Variants in RET observed in about 807,000 individuals in gnomAD.
The protein encoded by RET is proto-oncogene tyrosine-protein kinase receptor Ret.
RET carries 19 observed loss-of-function variants against 118.3 expected under a neutral mutation model. That is an observed-to-expected ratio of 0.16 (90% confidence interval 0.11 to 0.24). The LOEUF is 0.24. Ranked by LOEUF, RET falls within the 10% of genes least tolerant of loss-of-function variation. RET has a pLI of 1.00. For missense variants in RET, 1,219 were observed against 1,502.1 expected, an observed-to-expected ratio of 0.81 and a Z score of 3.12; for synonymous variants, 597 against 644.1, an observed-to-expected ratio of 0.93 and a Z score of 1.11.
intron 14 of RET, 111 bp downstream of exon 14, chr10:43,119,856 T>G: frequency 7.6e-7 from 1 of 1,308,266 alleles, no homozygotes; most frequent in South Asian, 1.2e-5. Context: ...TGCCACACTC[T>G]AGCCCACCAT....
chr10:43,128,234 T>C lies in RET; in HGVS notation c.3310T>C (p.Ser1104Pro), dbSNP rs1233085587. Reference sequence around the variant, plus strand: ...ATATGCTAACTGGATGCTTTCACCCTCAGCGGCAAAATTAATGGACACGTT... The same window carrying C: ...ATATGCTAACTGGATGCTTTCACCCCCAGCGGCAAAATTAATGGACACGTT... ...SVYANWMLSP[S>P]AAKLMDTFDS is the part of the protein sequence containing the mutation. The change falls in exon 20 of 20, where the codon TCA becomes CCA. Residue 1104 changes from serine (S) to proline (P), a missense_variant. By Grantham distance (74) the Ser-to-Pro change is moderately conservative. This residue lies in a region of RET where 174 missense variants were observed against 179.3 expected (regional missense o/e 0.97). Transcript: ENST00000355710. 2 of 1,614,090 alleles carry C rather than the reference T, an allele frequency of 1.2e-6. No homozygotes were observed. The highest frequency in any genetic ancestry group is 2.7e-5 in the African/African-American group (2 of 74,934).
At chr10:43,107,853 G>A (rs1404988673) in intron 5 of RET, among the ~76,000 whole-genome samples, 3 of 152,088 alleles carry the variant, frequency 2.0e-5, no homozygotes, top group African/African-American at 4.8e-5. Flanking sequence ...TCTTAAAACA[G>A]GGGCTTACAG....
intron 18 of RET, 114 bp from the exon 19 acceptor site, chr10:43,126,461 G>T: frequency 1.1e-6 from 1 of 946,190 alleles, no homozygotes; most frequent in Non-Finnish European, 1.7e-6. Flanking sequence ...TCAGGAGATT[G>T]GTGCGAGGTG....
At chr10:43,111,503 G>C (rs1837928170) in intron 7 of RET, 38 bp downstream of exon 7, 14 of 1,592,318 alleles carry the variant, frequency 8.8e-6, no homozygotes, top group Non-Finnish European at 1.2e-5. Flanking sequence ...TCGGGGTCCT[G>C]GGGGCTTCTG....
At chr10:43,111,507 G>C (rs751847605) in intron 7 of RET, 42 bp downstream of exon 7, 15 of 1,589,194 alleles carry the variant, frequency 9.4e-6, no homozygotes, top group South Asian at 2.2e-5. Flanking sequence ...GGTCCTGGGG[G>C]CTTCTGGAGC....
chr10:43,080,465 G>A (rs1837155171), intron 1 of RET, among the ~76,000 whole-genome samples: 1 of 152,246 alleles, frequency 6.6e-6, no homozygotes, highest in South Asian at 2.1e-4. Context: ...GAGGAAACAG[G>A]TTCTCATAGC....
At position 43,102,410 on chromosome 10, in the gene RET, G is replaced by A. The variant is rs79014735; in HGVS notation, c.406G>A (p.Glu136Lys). The A allele has an allele frequency of 3.4e-5, 55 of 1,614,238 alleles. No homozygotes were observed. Among genetic ancestry groups the A allele is most frequent in the Admixed American group, 2.3e-4 (14 of 60,034 alleles). The change falls in exon 3 of 20, where the codon GAG (glutamate) becomes AAG (lysine). Residue 136 changes from glutamate (E) to lysine (K), a missense_variant. This residue lies in a region of RET where 84 missense variants were observed against 163.6 expected (regional missense o/e 0.51). Coordinates refer to ENST00000355710, the MANE Select transcript of RET (RefSeq NM_020975.6). The stretch of plus-strand genomic sequence containing the variant: ...GTCACCCACATCCCTTCGTGAGGGC[G>A]AGTGCCAGTGGCCAGGCTGTGCCCG... Reference protein sequence around the residue: ...FLSPTSLREGECQWPGCARVY... With the variant: ...FLSPTSLREGKCQWPGCARVY...
In RET at chr10:43,123,558, T is replaced by G. The variant is rs922050604; in HGVS notation, c.2802-113T>G. On this transcript the variant is annotated intron_variant, in intron 16 of 19. Transcript: ENST00000355710. ...GGCTGACATCTGTGAGCATCTGTGCTTGAAGCCGACAGGGTCAGCAGGTGC... is the reference window on the plus strand; with the variant it reads ...GGCTGACATCTGTGAGCATCTGTGCGTGAAGCCGACAGGGTCAGCAGGTGC... 9 of 1,412,124 alleles carry G rather than the reference T, an allele frequency of 6.4e-6. No homozygotes were observed. The African/African-American group carries it at 1.3e-4, about 20-fold the overall frequency. 87.5% of individuals were successfully genotyped at this position (1,412,124 alleles called of 1,614,324 possible). A position where few individuals can be genotyped will look rare whatever the true frequency, so the allele number is the denominator to read the frequency against.
chr10:43,108,925 G>C, intron 5 of RET, 106 bp from the exon 6 acceptor site: 1 of 1,100,534 alleles, frequency 9.1e-7, no homozygotes, highest in Admixed American at 1.7e-5. Flanking sequence ...GTGAAAGTGC[G>C]TGTTTGCACC....
At chr10:43,080,406 C>A (rs1837153821) in intron 1 of RET, among the ~76,000 whole-genome samples, 1 of 152,252 alleles carries the variant, frequency 6.6e-6, no homozygotes, top group South Asian at 2.1e-4. Context: ...CTCACTTCAT[C>A]TTTTCCAACA....
chr10:43,097,808 G>A (rs2435348), intron 1 of RET, among the ~76,000 whole-genome samples: 58,870 of 151,790 alleles, frequency 0.39, 11,666 homozygotes, highest in South Asian at 0.51. Context: ...GTGTGTCCTG[G>A]AGGAGCCCAG....
In RET at chr10:43,112,985, C is replaced by T. The variant is rs188801393; in HGVS notation, c.1759+22C>T. The T allele has an allele frequency of 9.7e-4, 1,547 of 1,590,962 alleles. 21 individuals are homozygous for T. The Admixed American group carries it at 0.024, about 25-fold the overall frequency. On this transcript the variant is annotated intron_variant, in intron 9 of 19. Transcript: ENST00000355710. ...CTCCGTAAGCAGGGTTTAATCAGGG[C>T]ATGGGAACAGGTAGGAGATAGTAGG...
At position 43,129,746 on chromosome 10, in the gene RET, A is replaced by G. The variant is rs148393331; in HGVS notation, c.*1477A>G. The G allele has an allele frequency of 2.1e-5, 8 of 388,126 alleles. No homozygotes were observed. Among genetic ancestry groups the G allele is most frequent in the Middle Eastern group, 6.5e-4 (1 of 1,540 alleles). 24.0% of individuals were successfully genotyped at this position (388,126 alleles called of 1,614,324 possible). On this transcript the variant is annotated 3_prime_UTR_variant, in exon 20 of 20. Coordinates refer to ENST00000355710, the MANE Select transcript of RET (RefSeq NM_020975.6). Reference sequence around the variant, plus strand: ...AAAATTGTGGCATTTTGTGAGGCCAAGGCTTGGATGCGTGTGTAATAGAGC... The same window carrying G: ...AAAATTGTGGCATTTTGTGAGGCCAGGGCTTGGATGCGTGTGTAATAGAGC...
chr10:43,119,287 C>T (rs974699882), intron 13 of RET, among the ~76,000 whole-genome samples: 1 of 152,204 alleles, frequency 6.6e-6, no homozygotes, highest in African/African-American at 2.4e-5. Flanking sequence ...GCCTCAGGCA[C>T]CTCGAGAAGG....
rs762363830 is a variant in RET at position 43,105,147 on chromosome 10, C to A, written c.821C>A (p.Ala274Glu). Residue 274 changes from alanine to glutamate, a missense_variant, in exon 4 of 20, where the codon GCG becomes GAG. Around this residue, in one of 5 missense-constraint regions of RET, gnomAD observed 850 missense variants for 969.6 expected, o/e 0.88. Coordinates refer to ENST00000355710, the MANE Select transcript of RET (RefSeq NM_020975.6). ...DEDDSAPTFPAGVDTASAVVE... is the reference protein window; with the variant it reads ...DEDDSAPTFPEGVDTASAVVE... ...GACGACTCGGCGCCCACCTTCCCCG[C>A]GGGCGTCGACACCGCCAGCGCCGTG... 6.2e-7 allele frequency: 1 copy of A among 1,612,690 alleles called. No individual in the cohort carries two copies. The highest frequency in any genetic ancestry group is 1.1e-5 in the South Asian group (1 of 91,058).
At chr10:43,105,478 C>G (rs1346727142) in intron 4 of RET, among the ~76,000 whole-genome samples, 1 of 152,110 alleles carries the variant, frequency 6.6e-6, no homozygotes, top group African/African-American at 2.4e-5. Flanking sequence ...GCGCGCTGCC[C>G]GGGCGGGGAG....
At position 43,106,052 on chromosome 10, in the gene RET, G is replaced by C. The variant is rs1837766010; in HGVS notation, c.868-324G>C. ...CCAGCTTCCTCAGGGGAGAGTGGAG[G>C]TGCTCATCCTGCTCTCTGGGGACCT... On this transcript the variant is annotated intron_variant, in intron 4 of 19. Coordinates refer to ENST00000355710, the MANE Select transcript of RET (RefSeq NM_020975.6). The surrounding 1 kb of genome is among the most constrained non-coding windows in gnomAD (Gnocchi z 5.1). Among the ~76,000 whole-genome samples, 2 of 152,104 alleles carry C rather than the reference G, an allele frequency of 1.3e-5. No individual in the cohort carries two copies. The highest frequency in any genetic ancestry group is 4.8e-5 in the African/African-American group (2 of 41,398).
chr10:43,113,281 A>G (rs1371043477), intron 9 of RET, among the ~76,000 whole-genome samples: 3 of 152,188 alleles, frequency 2.0e-5, no homozygotes, highest in African/African-American at 7.2e-5. Flanking sequence ...GGGACACTGC[A>G]ATGTGCGGGT....
intron 1 of RET, among the ~76,000 whole-genome samples, chr10:43,099,178 C>A (rs374866700): frequency 1.3e-5 from 2 of 152,100 alleles, no homozygotes; most frequent in Non-Finnish European, 2.9e-5. Context: ...CTGTCCACAG[C>A]GCCTTCAGTG....
Sources: allele counts gnomAD v4.1 joint callset (sites outside exome capture counted in the v4.1 genomes callset), GRCh38; gene constraint gnomAD v4.1.1; regional missense constraint gnomAD v4.1.1; non-coding constraint Gnocchi (gnomAD v3.1); transcripts MANE v1.5; gene names NCBI Gene and HGNC (gene_info 2026-07-23, HGNC 2026-07-21).